Variants in DNM2 observed in about 807,000 individuals in gnomAD.
DNM2 encodes dynamin 2.
DNM2 carries 15 observed loss-of-function variants against 99.0 expected under a neutral mutation model. That is an observed-to-expected ratio of 0.15 (90% CI 0.10 to 0.23). The LOEUF (loss-of-function observed/expected upper bound fraction) is 0.23. Ranked by LOEUF, DNM2 falls within the 10% of genes least tolerant of loss-of-function variation. The pLI is 1.00. For synonymous variants in DNM2, 525 were observed against 481.2 expected (o/e 1.09, Z -1.19); for missense variants, 742 against 1,189.4 (o/e 0.62, Z 5.53).
At chr19:10,792,645 T>TCGC (rs915766875) in intron 7 of DNM2, among the ~76,000 whole-genome samples, 4 of 152,066 alleles carry the variant, frequency 2.6e-5, no homozygotes, top group Non-Finnish European at 5.9e-5. Context: ...TTACTCTGTC[T>TCGC]CGCCCAGGCT....
chr19:10,760,513 A>G (rs2070584829), intron 2 of DNM2, among the ~76,000 whole-genome samples: 1 of 151,958 alleles, frequency 6.6e-6, no homozygotes, highest in African/African-American at 2.4e-5. Context: ...TCATTCCCGC[A>G]TGTCATCCAC....
At chr19:10,784,310 G>T (rs950898593) in intron 6 of DNM2, among the ~76,000 whole-genome samples, 1 of 152,158 alleles carries the variant, frequency 6.6e-6, no homozygotes, top group African/African-American at 2.4e-5. Context: ...GTAGGGGCGC[G>T]GGGGCCGGGA....
intron 1 of DNM2, among the ~76,000 whole-genome samples, chr19:10,741,041 T>C (rs2069727940): frequency 6.6e-6 from 1 of 152,192 alleles, no homozygotes; most frequent in African/African-American, 2.4e-5. Context: ...GATAAGAATG[T>C]GTATTTTACT....
intron 7 of DNM2, 61 bp from the exon 8 acceptor site, chr19:10,793,659 A>G: frequency 1.9e-6 from 3 of 1,613,960 alleles, no homozygotes; most frequent in Non-Finnish European, 1.7e-6. Context: ...GACTTGGAAC[A>G]TCATTCCAGA....
intron 1 of DNM2, chr19:10,755,026 A>T (rs1439397416): frequency 2.0e-5 from 3 of 152,240 alleles, no homozygotes; most frequent in Non-Finnish European, 4.4e-5. Context: ...CCTGATTTCT[A>T]TCTCCAGAGA....
intron 16 of DNM2, among the ~76,000 whole-genome samples, chr19:10,821,121 A>C (rs1055758943): frequency 1.3e-5 from 2 of 150,946 alleles, no homozygotes; most frequent in Admixed American, 1.3e-4. Context: ...ACACCCACCA[A>C]CTCCAGCTGA....
intron 8 of DNM2, among the ~76,000 whole-genome samples, chr19:10,794,437 A>G (rs994921145): frequency 6.6e-6 from 1 of 151,638 alleles, no homozygotes; most frequent in Middle Eastern, 3.2e-3. Flanking sequence ...TATTAAAAAA[A>G]CAAACAGTTT....
chr19:10,754,364 T>C (rs954324639), intron 1 of DNM2, among the ~76,000 whole-genome samples: 17 of 151,504 alleles, frequency 1.1e-4, no homozygotes, highest in African/African-American at 3.9e-4. Flanking sequence ...CAAGCGATTC[T>C]GCCTCAGCCT....
At chr19:10,783,794 A>G (rs2071463397) in intron 6 of DNM2, among the ~76,000 whole-genome samples, 1 of 151,514 alleles carries the variant, frequency 6.6e-6, no homozygotes, top group Non-Finnish European at 1.5e-5. Context: ...TCCACGTCCC[A>G]GGTTCGAGTG....
intron 8 of DNM2, among the ~76,000 whole-genome samples, chr19:10,794,545 C>T (rs1229216780): frequency 1.3e-5 from 2 of 152,008 alleles, no homozygotes; most frequent in Non-Finnish European, 2.9e-5. Context: ...AGTTCAAGAC[C>T]AGCCTGGGCA....
At chr19:10,746,326 G>T in intron 1 of DNM2, among the ~76,000 whole-genome samples, 1 of 152,146 alleles carries the variant, frequency 6.6e-6, no homozygotes, top group Admixed American at 6.6e-5. Context: ...GGGGGAGGAG[G>T]GCACGGAGGT....
chr19:10,729,181 A>AAC (rs2069216808), intron 1 of DNM2, among the ~76,000 whole-genome samples: 1 of 123,832 alleles, frequency 8.1e-6, no homozygotes, highest in Non-Finnish European at 1.8e-5. Flanking sequence ...AAAAAAAAAA[A>AAC]AAAAAAAAAT....
In DNM2 at chr19:10,819,967, C is replaced by T; in HGVS notation, c.1672-13C>T. 1 of 1,613,742 alleles carries T rather than the reference C, an allele frequency of 6.2e-7. No homozygotes were observed. Among genetic ancestry groups the T allele is most frequent in the Non-Finnish European group, 8.5e-7 (1 of 1,179,624 alleles). On this transcript the variant is annotated splice_polypyrimidine_tract_variant and intron_variant, in intron 15 of 20. Transcript: ENST00000389253. Reference sequence around the variant, plus strand: ...TGGACCGCTCAGGGTGACTCTTTTCCCTCCACCCTCAGGAGAAAGAGAAGA... The same window carrying T: ...TGGACCGCTCAGGGTGACTCTTTTCTCTCCACCCTCAGGAGAAAGAGAAGA...
At position 10,825,483 on chromosome 19, in the gene DNM2, A is replaced by G. The variant is rs12973986; in HGVS notation, c.2058+262A>G. On this transcript the variant is annotated intron_variant, in intron 18 of 20. Transcript: ENST00000389253. ...AAGGAGTTCGAGACTAGACTGACCA[A>G]CATGGTGAAACCCCATCTCTACTAA... Among the ~76,000 whole-genome samples, 22,605 of 152,182 alleles carry G rather than the reference A, an allele frequency of 0.15. 2,239 individuals are homozygous for G. Among genetic ancestry groups the G allele is most frequent in the Non-Finnish European group, 0.22 (15,163 of 67,964 alleles).
chr19:10,797,660 T>C, intron 10 of DNM2, 142 bp downstream of exon 10: 1 of 1,315,834 alleles, frequency 7.6e-7, no homozygotes, highest in East Asian at 2.3e-5. Context: ...GTCGCCACCT[T>C]GCATTGGCAG....
chr19:10,736,903 T>C (rs1164081643), intron 1 of DNM2, among the ~76,000 whole-genome samples: 1 of 152,088 alleles, frequency 6.6e-6, no homozygotes. Context: ...TCCCAGCACT[T>C]TGGGAGGCCG....
chr19:10,762,833 G>C (rs1361829779), intron 2 of DNM2, among the ~76,000 whole-genome samples: 1 of 152,162 alleles, frequency 6.6e-6, no homozygotes, highest in Non-Finnish European at 1.5e-5. Flanking sequence ...GACCACAGGG[G>C]CCAGTGCTGA....
In DNM2 at chr19:10,790,888, C is replaced by T. The variant is rs117965048; in HGVS notation, c.993-2832C>T. Among the ~76,000 whole-genome samples the T allele has an allele frequency of 4.3e-3, 656 of 151,982 alleles. 1 individual carries two copies. The highest frequency in any genetic ancestry group is 6.9e-3 in the Middle Eastern group (2 of 290). On this transcript the variant is annotated intron_variant, in intron 7 of 20. Transcript: ENST00000389253. Reference sequence around the variant, plus strand: ...TCAGGTGATCCTCCCACCACAGCCTCCCGAGTAGCTGGGAATAATACAGGT... The same window carrying T: ...TCAGGTGATCCTCCCACCACAGCCTTCCGAGTAGCTGGGAATAATACAGGT...
At chr19:10,783,699 A>ATTTTTT (rs35245958) in intron 6 of DNM2, among the ~76,000 whole-genome samples, 1 of 141,604 alleles carries the variant, frequency 7.1e-6, no homozygotes, top group African/African-American at 2.7e-5. Context: ...TATTATTATT[A>ATTTTTT]TTATTATTTT....
Sources: allele counts gnomAD v4.1 joint callset (sites outside exome capture counted in the v4.1 genomes callset), GRCh38; gene constraint gnomAD v4.1.1; transcripts MANE v1.5; gene names NCBI Gene and HGNC (gene_info 2026-07-23, HGNC 2026-07-21).